Variants in ZFP14 observed in about 807,000 individuals in gnomAD.
ZFP14 encodes ZFP14 zinc finger protein, also known as zinc finger protein 14 homolog.
In ZFP14, 22 loss-of-function variants were observed where a neutral mutation model predicts 54.5. The ratio of observed to expected loss-of-function variants is 0.40; its 90% CI spans 0.29 to 0.58. The LOEUF (loss-of-function observed/expected upper bound fraction) is 0.58, where lower values mean the gene tolerates loss of function less well. ZFP14 is among the 20% of genes least tolerant of loss of function. The pLI is 0.39. For missense variants in ZFP14, 470 were observed against 637.8 expected (o/e 0.74, Z 2.83); for synonymous variants, 159 against 204.0 (o/e 0.78, Z 1.88).
intron 1 of ZFP14, among the ~76,000 whole-genome samples, chr19:36,370,447 G>A (rs1023252446): frequency 6.6e-6 from 1 of 152,232 alleles, no homozygotes; most frequent in East Asian, 1.9e-4. Flanking sequence ...CCAGGCTTCA[G>A]GCTTGCATGA....
rs943434103 is a variant in ZFP14, at chr19:36,338,367, T to C, written c.*1857A>G. 3.9e-5 allele frequency: 6 copies of C among 152,026 alleles called. No homozygotes were observed. Among genetic ancestry groups the C allele is most frequent in the African/African-American group, 1.5e-4 (6 of 41,374 alleles). The allele number at this position is 152,026 out of a possible 1,614,324, so 9.4% of individuals were successfully genotyped here. ...GGGAAAAGGAAACTAAATGACAATT[T>C]TTCCTCTGATTTATTGATTTCAAGA... On this transcript the variant is annotated 3_prime_UTR_variant, in exon 5 of 5. Transcript: ENST00000270001.
At chr19:36,350,609 CA>C (rs202063596) in intron 4 of ZFP14, among the ~76,000 whole-genome samples, 1 of 131,714 alleles carries the variant, frequency 7.6e-6, no homozygotes, top group Non-Finnish European at 1.7e-5. Flanking sequence ...TTTAAAAAAC[CA>C]AAAAAAAACA....
intron 4 of ZFP14, among the ~76,000 whole-genome samples, chr19:36,346,176 T>C (rs1306239277): frequency 6.6e-6 from 1 of 151,828 alleles, no homozygotes; most frequent in African/African-American, 2.4e-5. Flanking sequence ...TCCCAGCTAC[T>C]CGAAAGACTG....
At chr19:36,347,753 T>C (rs1266411625) in intron 4 of ZFP14, among the ~76,000 whole-genome samples, 1 of 152,158 alleles carries the variant, frequency 6.6e-6, no homozygotes, top group East Asian at 1.9e-4. Context: ...TACTCCAAGT[T>C]ATCTTTGAGT....
At chr19:36,342,057 G>A (rs981178508) in intron 4 of ZFP14, among the ~76,000 whole-genome samples, 39 of 151,310 alleles carry the variant, frequency 2.6e-4, no homozygotes, top group Non-Finnish European at 5.2e-4. Context: ...GGGTTTCACC[G>A]TGTTAGCCAG....
intron 4 of ZFP14, among the ~76,000 whole-genome samples, chr19:36,343,245 CTG>C (rs1452929858): frequency 6.6e-6 from 1 of 152,194 alleles, no homozygotes; most frequent in Non-Finnish European, 1.5e-5. Flanking sequence ...TTGAGTCTCT[CTG>C]TTTAAATGTT....
intron 4 of ZFP14, among the ~76,000 whole-genome samples, chr19:36,356,685 C>T (rs753578158): frequency 2.6e-5 from 4 of 152,090 alleles, no homozygotes; most frequent in Non-Finnish European, 5.9e-5. Context: ...ATTTGTTTTT[C>T]CATCTCTATG....
At chr19:36,376,949 T>C (rs2145567221) in intron 1 of ZFP14, among the ~76,000 whole-genome samples, 1 of 152,292 alleles carries the variant, frequency 6.6e-6, no homozygotes, top group East Asian at 1.9e-4. Context: ...CGACTGTCAC[T>C]GTACTAAACT....
intron 4 of ZFP14, among the ~76,000 whole-genome samples, chr19:36,349,213 AAG>A (rs11470617): frequency 0.32 from 36,239 of 114,350 alleles, 7,176 homozygotes; most frequent in South Asian, 0.4. Context: ...CCTGGGCTAT[AAG>A]AGGGGAACTC....
chr19:36,364,525 G>A (rs1011878280), intron 2 of ZFP14, among the ~76,000 whole-genome samples: 1 of 152,106 alleles, frequency 6.6e-6, no homozygotes, highest in Non-Finnish European at 1.5e-5. Flanking sequence ...AGCCTTTCCC[G>A]CTGGGTGTGG....
chr19:36,365,958 T>TGA (rs2031787549), intron 2 of ZFP14, among the ~76,000 whole-genome samples: 1 of 101,696 alleles, frequency 9.8e-6, no homozygotes, highest in Non-Finnish European at 2.2e-5. Flanking sequence ...AGACCTTCTG[T>TGA]CAAAAAAAAA....
rs778067004 is a variant in ZFP14, at chr19:36,336,828, C to G, written c.*3396G>C. On this transcript the variant is annotated 3_prime_UTR_variant, in exon 5 of 5. Coordinates refer to ENST00000270001, the MANE Select transcript of ZFP14 (RefSeq NM_020917.3). ...CTATAATTTTGGTTTTGATTTTAAA[C>G]ATTTTATTATTGAAATTTCAAACAC... 4 of 152,124 alleles carry G rather than the reference C, an allele frequency of 2.6e-5. No individual in the cohort carries two copies. Among genetic ancestry groups the G allele is most frequent in the Non-Finnish European group, 5.9e-5 (4 of 68,002 alleles). 9.4% of individuals were successfully genotyped at this position (152,124 alleles called of 1,614,324 possible).
chr19:36,372,566 G>A (rs984945041), intron 1 of ZFP14, among the ~76,000 whole-genome samples: 10 of 152,096 alleles, frequency 6.6e-5, no homozygotes, highest in African/African-American at 2.4e-4. Context: ...TAAAAAATCT[G>A]AACAGGCTGG....
intron 1 of ZFP14, among the ~76,000 whole-genome samples, chr19:36,375,430 C>T (rs1171865297): frequency 6.6e-6 from 1 of 150,918 alleles, no homozygotes; most frequent in Non-Finnish European, 1.5e-5. Flanking sequence ...CTTTGCCACC[C>T]AGGCTGGAGT....
rs748933060 is a variant in ZFP14 at position 36,352,699 on chromosome 19, T to G, written c.235+7736A>C. Among the ~76,000 whole-genome samples, 6 of 141,884 alleles carry G rather than the reference T, an allele frequency of 4.2e-5. 2 individuals are homozygous for G. The highest frequency in any genetic ancestry group is 9.4e-5 in the Non-Finnish European group (6 of 64,066). The allele number at this position is 141,884 out of a possible 152,430, so 93.1% of individuals were successfully genotyped here. ...GCTCACACCTGTAATCCCAACACTTTGGGAGGCCGAGGCGGGCGGATCACA... is the reference window on the plus strand; with the variant it reads ...GCTCACACCTGTAATCCCAACACTTGGGGAGGCCGAGGCGGGCGGATCACA... On this transcript the variant is annotated intron_variant, in intron 4 of 4. Coordinates refer to ENST00000270001, the MANE Select transcript of ZFP14 (RefSeq NM_020917.3).
chr19:36,374,039 T>G (rs796307500), intron 1 of ZFP14, among the ~76,000 whole-genome samples: 9 of 152,020 alleles, frequency 5.9e-5, no homozygotes, highest in African/African-American at 1.9e-4. Context: ...TTGCAAGACC[T>G]AAAAGACTGA....
Position 36,341,716 on chromosome 19 carries a change from AT to A in ZFP14, c.236-127del. On this transcript the variant is annotated intron_variant, in intron 4 of 4. Transcript: ENST00000270001. The surrounding 1 kb of genome is among the most constrained non-coding windows in gnomAD (Gnocchi z 4.2). ...ATAATGCCTGTTACAAATTGAATGG[AT>A]TAGACAGATCTCAAACATAGACATT... is the stretch of plus-strand genomic sequence containing the variant. The A allele has an allele frequency of 1.2e-6, 1 of 842,134 alleles. No individual in the cohort carries two copies. The highest frequency in any genetic ancestry group is 1.7e-6 in the Non-Finnish European group (1 of 581,214). 52.2% of individuals were successfully genotyped at this position (842,134 alleles called of 1,614,324 possible).
chr19:36,342,130 C>T (rs1457598949), intron 4 of ZFP14, among the ~76,000 whole-genome samples: 1 of 148,544 alleles, frequency 6.7e-6, no homozygotes, highest in Admixed American at 6.8e-5. Context: ...GCTGGGATTA[C>T]AGGAGTGAGC....
At position 36,367,942 on chromosome 19, in the gene ZFP14, G is replaced by A. The variant is rs1183561974; in HGVS notation, c.-50C>T. On this transcript the variant is annotated 5_prime_UTR_variant, in exon 2 of 5. Coordinates refer to ENST00000270001, the MANE Select transcript of ZFP14 (RefSeq NM_020917.3). Reference sequence around the variant, plus strand: ...CAGTCCTTTTCAAGATTTCTCTGTTGGAGAACTATGGAGTCCTGATAAGCC... The same window carrying A: ...CAGTCCTTTTCAAGATTTCTCTGTTAGAGAACTATGGAGTCCTGATAAGCC... The A allele has an allele frequency of 3.1e-6, 5 of 1,591,280 alleles. No individual in the cohort carries two copies. The highest frequency in any genetic ancestry group is 1.3e-5 in the African/African-American group (1 of 74,100).
Sources: gnomAD v4.1 joint callset for allele counts (sites outside exome capture counted in the v4.1 genomes callset) on GRCh38, gnomAD v4.1.1 for gene constraint, Gnocchi (gnomAD v3.1) non-coding constraint, MANE v1.5 for transcripts, NCBI Gene and HGNC (gene_info 2026-07-23, HGNC 2026-07-21) for gene names.